Variants in OPCML observed in about 807,000 individuals in gnomAD.
OPCML encodes the protein opioid binding protein/cell adhesion molecule like, also known as opioid-binding protein/cell adhesion molecule.
OPCML carries 13 observed loss-of-function variants against 37.8 expected under a neutral mutation model. The ratio of observed to expected loss-of-function variants is 0.34; its 90% CI spans 0.22 to 0.55. The LOEUF (loss-of-function observed/expected upper bound fraction) is 0.55, where lower values mean the gene tolerates loss of function less well. Ranked by LOEUF, OPCML falls within the 20% of genes least tolerant of loss-of-function variation. The probability of loss-of-function intolerance (pLI) is 0.91; values close to 1 mark genes in which losing one functional copy is unlikely to be tolerated. For synonymous variants in OPCML, 176 were observed against 168.8 expected (o/e 1.04, Z -0.33); for missense variants, 341 against 435.6 (o/e 0.78, Z 1.93).
chr11:133,072,751 G>A (rs1326671213), intron 1 of OPCML, among the ~76,000 whole-genome samples: 2 of 152,214 alleles, frequency 1.3e-5, no homozygotes, highest in Non-Finnish European at 2.9e-5. Context: ...GTGTCCTGGT[G>A]GGCTTGGATT....
At chr11:132,564,916 C>G (rs1324144301) in intron 3 of OPCML, among the ~76,000 whole-genome samples, 1 of 152,132 alleles carries the variant, frequency 6.6e-6, no homozygotes, top group Non-Finnish European at 1.5e-5. Context: ...TAATAGGGTC[C>G]TGGGAATGCC....
At chr11:132,499,325 G>C (rs900637013) in intron 4 of OPCML, among the ~76,000 whole-genome samples, 1 of 152,204 alleles carries the variant, frequency 6.6e-6, no homozygotes, top group Admixed American at 6.5e-5. Context: ...AGCTGGGCAT[G>C]GCTGCTCATG....
chr11:133,485,609 T>A (rs1012448047), intron 1 of OPCML, among the ~76,000 whole-genome samples: 1 of 152,218 alleles, frequency 6.6e-6, no homozygotes, highest in Non-Finnish European at 1.5e-5. Context: ...AAGACCTGCA[T>A]TACCACATCA....
chr11:133,053,746 T>C (rs144974858), intron 1 of OPCML, among the ~76,000 whole-genome samples: 144 of 152,198 alleles, frequency 9.5e-4, no homozygotes, highest in African/African-American at 3.3e-3. Flanking sequence ...CCAGATCAGC[T>C]CTCCCTCCCT....
intron 2 of OPCML, among the ~76,000 whole-genome samples, chr11:132,923,195 C>G (rs1321728200): frequency 6.6e-6 from 1 of 151,944 alleles, no homozygotes; most frequent in African/African-American, 2.4e-5. Flanking sequence ...AGTTCATTCC[C>G]CCTGCATGCT....
chr11:133,071,870 A>G (rs975072865), intron 1 of OPCML, among the ~76,000 whole-genome samples: 1 of 152,206 alleles, frequency 6.6e-6, no homozygotes, highest in Non-Finnish European at 1.5e-5. Flanking sequence ...TGCAAATCCA[A>G]GAGCAAATCT....
chr11:133,417,987 C>T, intron 1 of OPCML: 4 of 787,108 alleles, frequency 5.1e-6, no homozygotes, highest in Non-Finnish European at 6.2e-6. Flanking sequence ...AAGCTTTGTT[C>T]CTTGCGAGAC....
rs566483437 is a variant in OPCML, at chr11:132,952,510, G to C, written c.62-9500C>G. On this transcript the variant is annotated intron_variant, in intron 1 of 7. Coordinates refer to ENST00000524381, the MANE Select transcript of OPCML (RefSeq NM_001012393.5). ...AACTTATGCAAATACACATTCATTGGTTTTCCTAGTCAGCTGCTAACCTAA... is the reference window on the plus strand; with the variant it reads ...AACTTATGCAAATACACATTCATTGCTTTTCCTAGTCAGCTGCTAACCTAA... Among the ~76,000 whole-genome samples, 3 of 152,268 alleles carry C rather than the reference G, an allele frequency of 2.0e-5. No individual in the cohort carries two copies. In the East Asian group the frequency reaches 5.8e-4, roughly 29 times the overall value.
In OPCML at chr11:132,451,330, G is replaced by A. The variant is rs187836658; in HGVS notation, c.506-13971C>T. ...ATCGGGTATTAACTTTGTCGAATTAGCAAGGACACTGACGAGATGGTGAGG... is the reference window on the plus strand; with the variant it reads ...ATCGGGTATTAACTTTGTCGAATTAACAAGGACACTGACGAGATGGTGAGG... On this transcript the variant is annotated intron_variant, in intron 4 of 7. Transcript: ENST00000524381. 2.6e-3 allele frequency among the ~76,000 whole-genome samples: 386 copies of A among 149,518 alleles called. 4 individuals carry two copies. The highest frequency in any genetic ancestry group is 4.1e-3 in the Non-Finnish European group (277 of 67,454).
chr11:133,149,195 G>A (rs891622197), intron 1 of OPCML, among the ~76,000 whole-genome samples: 11 of 152,162 alleles, frequency 7.2e-5, no homozygotes, highest in South Asian at 2.1e-4. Flanking sequence ...TGGTTTGTTC[G>A]TCCTAACTTT....
intron 3 of OPCML, among the ~76,000 whole-genome samples, chr11:132,549,684 C>T (rs1450613152): frequency 6.6e-6 from 1 of 152,202 alleles, no homozygotes; most frequent in Admixed American, 6.5e-5. Context: ...GAATGCGGCC[C>T]TTCTCTTTGA....
intron 1 of OPCML, among the ~76,000 whole-genome samples, chr11:132,994,237 C>A (rs1248163810): frequency 1.3e-5 from 2 of 152,168 alleles, no homozygotes; most frequent in African/African-American, 2.4e-5. Flanking sequence ...CAGGAGCCGG[C>A]GCGCGCGGGA....
At chr11:133,277,315 A>G (rs574103622) in intron 1 of OPCML, among the ~76,000 whole-genome samples, 1 of 152,300 alleles carries the variant, frequency 6.6e-6, no homozygotes, top group East Asian at 1.9e-4. Flanking sequence ...AAGAAAGAAA[A>G]TGTGCCAATT....
chr11:133,250,677 A>G (rs947934252), intron 1 of OPCML, among the ~76,000 whole-genome samples: 1 of 152,214 alleles, frequency 6.6e-6, no homozygotes, highest in African/African-American at 2.4e-5. Flanking sequence ...TCTTAGCTGT[A>G]TTAGACTGAA....
intron 1 of OPCML, among the ~76,000 whole-genome samples, chr11:133,231,206 G>T (rs1214521865): frequency 1.3e-5 from 2 of 152,178 alleles, no homozygotes; most frequent in Non-Finnish European, 2.9e-5. Context: ...AGTAGCTGCG[G>T]ATGAAACATT....
chr11:132,553,572 A>C (rs1193774333), intron 3 of OPCML, among the ~76,000 whole-genome samples: 1 of 152,200 alleles, frequency 6.6e-6, no homozygotes, highest in Non-Finnish European at 1.5e-5. Flanking sequence ...TTTCTCTTTA[A>C]AATAGGATAA....
At chr11:133,163,822 G>A (rs1213179057) in intron 1 of OPCML, among the ~76,000 whole-genome samples, 4 of 152,144 alleles carry the variant, frequency 2.6e-5, no homozygotes, top group African/African-American at 7.2e-5. Flanking sequence ...ATGAGTAGGC[G>A]CCATTACTCC....
At chr11:132,439,280 C>G (rs1307062575) in intron 4 of OPCML, among the ~76,000 whole-genome samples, 2 of 152,294 alleles carry the variant, frequency 1.3e-5, no homozygotes, top group East Asian at 3.9e-4. Flanking sequence ...TGCTCCCAGC[C>G]TAGGATCTGA....
At chr11:133,421,781 C>CA in intron 1 of OPCML, 1 of 985,324 alleles carries the variant, frequency 1.0e-6, no homozygotes. Flanking sequence ...CTCTGGATAT[C>CA]AATTGCTTTC....
Sources: gnomAD v4.1 joint callset for allele counts (sites outside exome capture counted in the v4.1 genomes callset) on GRCh38, gnomAD v4.1.1 for gene constraint, MANE v1.5 for transcripts, NCBI Gene and HGNC (gene_info 2026-07-23, HGNC 2026-07-21) for gene names.